The following AP3B1 variants were observed in gnomAD, a reference collection of about 807,000 sequenced individuals.
AP3B1 encodes AP-3 complex subunit beta-1.
Under a neutral mutation model 132.5 loss-of-function variants are expected in AP3B1, and 61 were observed. The ratio of observed to expected loss-of-function variants is 0.46; its 90% CI spans 0.37 to 0.57. The LOEUF (loss-of-function observed/expected upper bound fraction) is 0.57. AP3B1 is among the 20% of genes least tolerant of loss of function. The probability of loss-of-function intolerance (pLI) is 0.00; values close to 1 mark genes in which losing one functional copy is unlikely to be tolerated. For synonymous variants in AP3B1, 388 were observed against 438.3 expected (o/e 0.89, Z 1.43); for missense variants, 1,120 against 1,289.4 (o/e 0.87, Z 2.01).
At chr5:78,221,815 C>G (rs4552570) in intron 6 of AP3B1, among the ~76,000 whole-genome samples, 41,453 of 151,772 alleles carry the variant, frequency 0.27, 5,871 homozygotes, top group Middle Eastern at 0.33. Context: ...AATTCTGAAT[C>G]TACATTTTGA....
intron 2 of AP3B1, among the ~76,000 whole-genome samples, 164 bp downstream of exon 2, chr5:78,267,356 T>C (rs565271634): frequency 6.6e-5 from 10 of 152,022 alleles, no homozygotes; most frequent in African/African-American, 2.2e-4. Context: ...ACTTCAATAA[T>C]GTACTTTTTT....
intron 21 of AP3B1, among the ~76,000 whole-genome samples, chr5:78,096,570 G>C (rs1361122567): frequency 6.6e-6 from 1 of 151,778 alleles, no homozygotes. Context: ...AGTGAGGAGC[G>C]TCTCTGCCCG....
intron 7 of AP3B1, among the ~76,000 whole-genome samples, chr5:78,208,182 G>C (rs947245978): frequency 3.9e-5 from 6 of 152,132 alleles, no homozygotes; most frequent in African/African-American, 1.4e-4. Flanking sequence ...AAACAGATTG[G>C]AACTGTGCAG....
chr5:78,229,475 G>A (rs529551241), intron 3 of AP3B1, among the ~76,000 whole-genome samples: 17 of 151,898 alleles, frequency 1.1e-4, no homozygotes, highest in South Asian at 6.2e-4. Flanking sequence ...GCTCACGCCT[G>A]TAATCCCAGC....
At chr5:78,090,498 C>T (rs1750464977) in intron 21 of AP3B1, among the ~76,000 whole-genome samples, 2 of 152,220 alleles carry the variant, frequency 1.3e-5, no homozygotes, top group Admixed American at 1.3e-4. Flanking sequence ...CTTGCAACTT[C>T]GATCTGGCAA....
chr5:78,294,661 A>C lies in AP3B1; in HGVS notation c.-82T>G, dbSNP rs1749680959. ...TCCAGTCCAGAGGGCACGGAACAAA[A>C]CTAGTTCTCGTACGGAGGAGCGCGC... On this transcript the variant is annotated 5_prime_UTR_variant, in exon 1 of 27. Coordinates refer to ENST00000255194, the MANE Select transcript of AP3B1 (RefSeq NM_003664.5). 4.4e-6 allele frequency: 7 copies of C among 1,602,900 alleles called. No homozygotes were observed. The highest frequency in any genetic ancestry group is 2.2e-5 in the East Asian group (1 of 44,778).
chr5:78,072,325 T>C (rs951905433), intron 22 of AP3B1, among the ~76,000 whole-genome samples: 5 of 152,260 alleles, frequency 3.3e-5, no homozygotes, highest in African/African-American at 4.8e-5. Context: ...CTAAAAATGA[T>C]ATAAAACAAA....
chr5:78,161,157 T>G (rs1743372460), intron 13 of AP3B1, among the ~76,000 whole-genome samples: 1 of 151,980 alleles, frequency 6.6e-6, no homozygotes, highest in Non-Finnish European at 1.5e-5. Flanking sequence ...AGTCTTCCCT[T>G]AAAAGTGATG....
Position 78,113,789 on chromosome 5 carries a change from T to C in AP3B1, c.2212A>G (p.Arg738Gly). 1 of 1,614,216 alleles carries C rather than the reference T, an allele frequency of 6.2e-7. No homozygotes were observed. Among genetic ancestry groups the C allele is most frequent in the Non-Finnish European group, 8.5e-7 (1 of 1,180,052 alleles). ...SGRESGLENK[R>G]TAKRNSKAKG... The stretch of plus-strand genomic sequence containing the variant: ...GCTTTTGAGTTCCTCTTGGCTGTTC[T>C]TTTGTTTTCTAGGCCTGACTCCCGT... Residue 738 changes from arginine to glycine, a missense_variant, in exon 19 of 27, where the codon AGA (arginine) becomes GGA (glycine). Physicochemically the swap from Arg to Gly is moderately radical, Grantham distance 125. Transcript: ENST00000255194.
At chr5:78,112,756 T>C (rs1446635898) in intron 19 of AP3B1, among the ~76,000 whole-genome samples, 1 of 152,238 alleles carries the variant, frequency 6.6e-6, no homozygotes, top group East Asian at 1.9e-4. Context: ...GTTATTTTAT[T>C]ATGCATCACT....
intron 2 of AP3B1, among the ~76,000 whole-genome samples, chr5:78,255,077 C>A (rs1309590841): frequency 6.6e-6 from 1 of 151,668 alleles, no homozygotes; most frequent in Non-Finnish European, 1.5e-5. Flanking sequence ...ATGGTAACCT[C>A]AAACCAAAAA....
intron 21 of AP3B1, among the ~76,000 whole-genome samples, chr5:78,091,987 T>C (rs775079366): frequency 6.6e-6 from 1 of 152,202 alleles, no homozygotes; most frequent in Non-Finnish European, 1.5e-5. Flanking sequence ...GACAAGGTCA[T>C]AAAAAGTGAA....
chr5:78,226,043 T>C (rs150328163), intron 5 of AP3B1, among the ~76,000 whole-genome samples: 1 of 152,206 alleles, frequency 6.6e-6, no homozygotes, highest in East Asian at 1.9e-4. Context: ...ACTAGTTCAC[T>C]GATAGAGACA....
At chr5:78,205,440 T>TAC (rs1171739809) in intron 7 of AP3B1, among the ~76,000 whole-genome samples, 41 of 151,688 alleles carry the variant, frequency 2.7e-4, no homozygotes, top group African/African-American at 7.3e-4. Context: ...TACATATATA[T>TAC]ATACACACAC....
chr5:78,016,323 C>A (rs1237642324), intron 25 of AP3B1, among the ~76,000 whole-genome samples: 1 of 151,956 alleles, frequency 6.6e-6, no homozygotes, highest in African/African-American at 2.4e-5. Flanking sequence ...CCATTAATAT[C>A]CAGACCTCCT....
Position 78,113,839 on chromosome 5 carries a change from G to T in AP3B1, c.2162C>A (p.Ser721Tyr). The change falls in exon 19 of 27, where the codon TCC (serine) becomes TAC (tyrosine). Residue 721 changes from serine to tyrosine, a missense_variant. Physicochemically the swap from Ser to Tyr is moderately radical, Grantham distance 144 (BLOSUM62 -2). Around this residue, in one of 3 missense-constraint regions of AP3B1, gnomAD observed 906 missense variants for 997.1 expected, o/e 0.91. Coordinates refer to ENST00000255194, the MANE Select transcript of AP3B1 (RefSeq NM_003664.5). ...DSNEDSSEDS[S>Y]SEQDSESGRE... ...TCCACTCTCACTGTCCTGCTCACTG[G>T]AGGAGTCCTCACTGCTGTCCTCATT... The T allele has an allele frequency of 6.2e-7, 1 of 1,614,118 alleles. No individual in the cohort carries two copies. The highest frequency in any genetic ancestry group is 8.5e-7 in the Non-Finnish European group (1 of 1,180,008).
intron 13 of AP3B1, among the ~76,000 whole-genome samples, 170 bp from the exon 14 acceptor site, chr5:78,156,537 C>T (rs774224973): frequency 2.0e-4 from 30 of 152,168 alleles, no homozygotes; most frequent in Non-Finnish European, 4.0e-4. Context: ...GTGTGAACAA[C>T]TGTCTTAACT....
intron 7 of AP3B1, among the ~76,000 whole-genome samples, chr5:78,184,620 A>G (rs1341134109): frequency 6.6e-6 from 1 of 151,128 alleles, no homozygotes; most frequent in African/African-American, 2.4e-5. Flanking sequence ...CCTGGGAGGC[A>G]GAGATTGCAG....
chr5:78,121,091 C>T (rs1347187585), intron 17 of AP3B1, among the ~76,000 whole-genome samples: 1 of 152,146 alleles, frequency 6.6e-6, no homozygotes, highest in Non-Finnish European at 1.5e-5. Flanking sequence ...TCCTGAATGA[C>T]TACTGGGTAC....
Sources: allele counts gnomAD v4.1 joint callset (sites outside exome capture counted in the v4.1 genomes callset), GRCh38; gene constraint gnomAD v4.1.1; regional missense constraint gnomAD v4.1.1; transcripts MANE v1.5; gene names NCBI Gene and HGNC (gene_info 2026-07-23, HGNC 2026-07-21).